The following ARHGAP44 variants were observed in gnomAD, a reference collection of about 807,000 sequenced individuals.
ARHGAP44 encodes the protein rho GTPase-activating protein 44.
In ARHGAP44, 43 loss-of-function variants were observed where a neutral mutation model predicts 106.8. That is an observed-to-expected ratio of 0.40 (90% confidence interval 0.32 to 0.52). ARHGAP44 has a LOEUF of 0.52. Among genes scored for constraint, ARHGAP44 ranks in the 20% least tolerant of loss-of-function variants. The pLI is 0.48. For missense variants in ARHGAP44, 866 were observed against 1,050.5 expected (o/e 0.82, Z 2.43); for synonymous variants, 439 against 410.3 (o/e 1.07, Z -0.85).
intron 1 of ARHGAP44, among the ~76,000 whole-genome samples, chr17:12,825,828 A>G (rs1196132250): frequency 2.6e-5 from 4 of 152,190 alleles, no homozygotes; most frequent in African/African-American, 9.6e-5. Context: ...CCATTATTAT[A>G]TCCTCAGTGT....
At chr17:12,811,213 T>G (rs1335624450) in intron 1 of ARHGAP44, among the ~76,000 whole-genome samples, 1 of 150,596 alleles carries the variant, frequency 6.6e-6, no homozygotes, top group Non-Finnish European at 1.5e-5. Flanking sequence ...CTTGGGAGGC[T>G]GAGGCAGGAG....
chr17:12,903,870 T>C (rs1043623796), intron 3 of ARHGAP44, among the ~76,000 whole-genome samples: 2 of 152,140 alleles, frequency 1.3e-5, no homozygotes, highest in African/African-American at 4.8e-5. Flanking sequence ...GCAAACAGTA[T>C]CTTAGTTAGA....
At chr17:12,961,281 G>A (rs966467214) in intron 16 of ARHGAP44, among the ~76,000 whole-genome samples, 3 of 152,204 alleles carry the variant, frequency 2.0e-5, no homozygotes, top group African/African-American at 7.2e-5. Flanking sequence ...CCTTATCTCT[G>A]ATAAAGCTCT....
At chr17:12,858,500 C>T (rs2035975714) in intron 1 of ARHGAP44, among the ~76,000 whole-genome samples, 1 of 152,186 alleles carries the variant, frequency 6.6e-6, no homozygotes, top group African/African-American at 2.4e-5. Flanking sequence ...TTTAAGTCCA[C>T]AGCCTTATCT....
At chr17:12,952,633 T>C (rs1216148798) in intron 13 of ARHGAP44, 52 bp downstream of exon 13, 1 of 1,372,482 alleles carries the variant, frequency 7.3e-7, no homozygotes, top group East Asian at 2.5e-5. Flanking sequence ...TATGTAAGCC[T>C]CAGAGATACA....
chr17:12,859,978 G>T (rs1032901547), intron 1 of ARHGAP44, among the ~76,000 whole-genome samples: 1 of 152,170 alleles, frequency 6.6e-6, no homozygotes, highest in East Asian at 1.9e-4. Context: ...GGGCTATAGG[G>T]GTGGTCCCTA....
At chr17:12,803,081 T>A (rs1423136860) in intron 1 of ARHGAP44, among the ~76,000 whole-genome samples, 8 of 148,392 alleles carry the variant, frequency 5.4e-5, no homozygotes, top group Non-Finnish European at 1.2e-4. Flanking sequence ...CAAGCAATTC[T>A]CCTGCCTCAG....
intron 1 of ARHGAP44, among the ~76,000 whole-genome samples, chr17:12,821,918 A>C (rs1385878164): frequency 6.6e-6 from 1 of 152,202 alleles, no homozygotes; most frequent in African/African-American, 2.4e-5. Flanking sequence ...TTATTCTGAC[A>C]CTACCATTAG....
At chr17:12,930,546 A>G (rs2014258) in intron 7 of ARHGAP44, among the ~76,000 whole-genome samples, 111,114 of 152,066 alleles carry the variant, frequency 0.73, 40,735 homozygotes, top group Admixed American at 0.79. Context: ...CCTACCGTCT[A>G]TTTTTTAACT....
At chr17:12,887,346 AGC>A (rs1357625058) in intron 1 of ARHGAP44, among the ~76,000 whole-genome samples, 2 of 152,014 alleles carry the variant, frequency 1.3e-5, no homozygotes, top group Non-Finnish European at 2.9e-5. Context: ...CTCCCACCTC[AGC>A]CACCCGAGTG....
intron 16 of ARHGAP44, among the ~76,000 whole-genome samples, chr17:12,971,300 T>C (rs1453916926): frequency 6.6e-6 from 1 of 152,004 alleles, no homozygotes; most frequent in Non-Finnish European, 1.5e-5. Context: ...GAAGGTACTG[T>C]TGGGGAAATA....
chr17:12,984,335 G>A (rs1013107724), intron 19 of ARHGAP44, among the ~76,000 whole-genome samples, 196 bp from the exon 20 acceptor site: 1 of 151,886 alleles, frequency 6.6e-6, no homozygotes, highest in Non-Finnish European at 1.5e-5. Flanking sequence ...TGCAGTTCTC[G>A]GTTAATTTTT....
intron 6 of ARHGAP44, among the ~76,000 whole-genome samples, chr17:12,927,400 T>C (rs7218340): frequency 0.026 from 3,983 of 152,172 alleles, 174 homozygotes; most frequent in South Asian, 0.092. Context: ...AATAGTGGAG[T>C]AGAGAAAATA....
At chr17:12,790,085 T>G in intron 1 of ARHGAP44, 194 bp downstream of exon 1, 1 of 502,914 alleles carries the variant, frequency 2.0e-6, no homozygotes, top group African/African-American at 2.0e-5. Context: ...CTCTTCTCAC[T>G]CGCCGCCTTC....
chr17:12,863,277 C>T (rs1339481756), intron 1 of ARHGAP44, among the ~76,000 whole-genome samples: 1 of 152,046 alleles, frequency 6.6e-6, no homozygotes, highest in African/African-American at 2.4e-5. Context: ...TGCTTGGAAA[C>T]AGCCCAACGA....
chr17:12,846,857 A>G (rs968564769), intron 1 of ARHGAP44, among the ~76,000 whole-genome samples: 2 of 152,244 alleles, frequency 1.3e-5, no homozygotes, highest in Non-Finnish European at 1.5e-5. Flanking sequence ...GTGCACAGCA[A>G]TCATATTGAC....
intron 1 of ARHGAP44, among the ~76,000 whole-genome samples, chr17:12,792,964 C>G (rs1441627203): frequency 1.3e-5 from 2 of 152,174 alleles, no homozygotes; most frequent in Non-Finnish European, 2.9e-5. Flanking sequence ...TGCACGTGTT[C>G]CTTCTGCTTT....
intron 19 of ARHGAP44, chr17:12,982,763 A>G (rs1434468311): frequency 6.6e-6 from 1 of 152,242 alleles, no homozygotes; most frequent in Non-Finnish European, 1.5e-5. Flanking sequence ...TACAGCGGGT[A>G]AGTGGCAGGA....
At chr17:12,936,436 G>A (rs767569297) in intron 7 of ARHGAP44, among the ~76,000 whole-genome samples, 30 of 152,094 alleles carry the variant, frequency 2.0e-4, no homozygotes, top group Non-Finnish European at 3.8e-4. Context: ...CATATAGCTG[G>A]AATCCTACAG....
Sources: gnomAD v4.1 joint callset for allele counts (sites outside exome capture counted in the v4.1 genomes callset) on GRCh38, gnomAD v4.1.1 for gene constraint, MANE v1.5 for transcripts, NCBI Gene and HGNC (gene_info 2026-07-23, HGNC 2026-07-21) for gene names.